Variants in STXBP4 observed in about 807,000 individuals in gnomAD.
The protein encoded by STXBP4 is syntaxin binding protein 4.
STXBP4 carries 55 observed loss-of-function variants against 76.1 expected under a neutral mutation model. That is an observed-to-expected ratio of 0.72 (90% confidence interval 0.58 to 0.91). The LOEUF is 0.91. STXBP4 is among the 40% of genes least tolerant of loss of function. STXBP4 has a pLI of 0.00. For synonymous variants in STXBP4, 201 were observed against 220.2 expected, an observed-to-expected ratio of 0.91 and a Z score of 0.77; for missense variants, 618 against 636.9, an observed-to-expected ratio of 0.97 and a Z score of 0.32.
At chr17:55,127,970 A>C (rs1216124544) in intron 16 of STXBP4, among the ~76,000 whole-genome samples, 1 of 151,760 alleles carries the variant, frequency 6.6e-6, no homozygotes, top group African/African-American at 2.4e-5. Context: ...CATTTCATCT[A>C]GTCTGTGACA....
chr17:55,211,986 T>TTTA, the STXBP4 span, among the ~76,000 whole-genome samples: 1 of 134,890 alleles, frequency 7.4e-6, no homozygotes, highest in East Asian at 2.2e-4. Flanking sequence ...AATTTTTGTA[T>TTTA]TTTTTTTTTT....
At chr17:54,984,807 G>T (rs1278477004) in intron 1 of STXBP4, among the ~76,000 whole-genome samples, 1 of 152,132 alleles carries the variant, frequency 6.6e-6, no homozygotes, top group African/African-American at 2.4e-5. Flanking sequence ...TTACCATTAT[G>T]TGTGTGCTCA....
chr17:54,989,030 C>CTT (rs2077671193), intron 3 of STXBP4, among the ~76,000 whole-genome samples: 1 of 152,168 alleles, frequency 6.6e-6, no homozygotes, highest in African/African-American at 2.4e-5. Flanking sequence ...CAACAGTTTT[C>CTT]TTAAAGATAT....
At chr17:55,157,673 A>G (rs2080295312) in intron 17 of STXBP4, among the ~76,000 whole-genome samples, 2 of 152,214 alleles carry the variant, frequency 1.3e-5, no homozygotes, top group Admixed American at 1.3e-4. Flanking sequence ...ATCTTCTTCC[A>G]TGAAAAGATA....
intron 8 of STXBP4, among the ~76,000 whole-genome samples, chr17:55,012,005 C>T (rs1038545328): frequency 2.6e-5 from 4 of 152,130 alleles, no homozygotes; most frequent in South Asian, 2.1e-4. Context: ...GCTAGCAGGC[C>T]GGTCCAGGGG....
At chr17:55,094,315 A>G (rs2079455987) in intron 16 of STXBP4, among the ~76,000 whole-genome samples, 1 of 152,106 alleles carries the variant, frequency 6.6e-6, no homozygotes, top group African/African-American at 2.4e-5. Flanking sequence ...TAAGTGTCGT[A>G]GGAAGGCACA....
rs769987070 is a variant in STXBP4, at chr17:54,999,351, C to T, written c.187C>T (p.Arg63Cys). 6 of 1,607,472 alleles carry T rather than the reference C, an allele frequency of 3.7e-6. No homozygotes were observed. Among genetic ancestry groups the T allele is most frequent in the South Asian group, 3.4e-5 (3 of 89,442 alleles). The change falls in exon 5 of 18, where the codon CGT becomes TGT. Residue 63 changes from arginine (R) to cysteine (C), a missense_variant. Physicochemically the swap from Arg to Cys is radical, Grantham distance 180 (BLOSUM62 -3). Transcript: ENST00000376352. ...ATGTTACTGTTTTTGTTAGGATGGT[C>T]GTTTGAAGCCAGGAGATCAACTTGT... ...IPGGDCYKDG[R>C]LKPGDQLVSV...
rs978820835 is a variant in STXBP4 at position 55,064,726 on chromosome 17, G to A, written c.1012-8174G>A. On this transcript the variant is annotated intron_variant, in intron 12 of 17. Coordinates refer to ENST00000376352, the MANE Select transcript of STXBP4 (RefSeq NM_178509.6). Reference sequence around the variant, plus strand: ...TCACCATGTTGGTCAGGCTGGTCTCGAACTCGTGACCTTGCGATCCACCCA... The same window carrying A: ...TCACCATGTTGGTCAGGCTGGTCTCAAACTCGTGACCTTGCGATCCACCCA... Among the ~76,000 whole-genome samples the A allele has an allele frequency of 3.3e-5, 5 of 152,190 alleles. No individual in the cohort carries two copies. The East Asian group carries it at 5.8e-4, about 18-fold the overall frequency.
downstream of STXBP4, among the ~76,000 whole-genome samples, chr17:55,176,488 A>G (rs952764888): frequency 6.6e-6 from 1 of 152,170 alleles, no homozygotes; most frequent in African/African-American, 2.4e-5. Flanking sequence ...AGTAGGAATA[A>G]CCTGAAATAA....
chr17:55,034,324 A>G (rs1450705917), intron 10 of STXBP4, 65 bp downstream of exon 10: 10 of 1,082,070 alleles, frequency 9.2e-6, no homozygotes, highest in African/African-American at 1.6e-5. Context: ...GTTATATGTC[A>G]TATGTGTAGG....
chr17:55,089,709 T>C (rs1460157208), intron 16 of STXBP4, among the ~76,000 whole-genome samples: 1 of 152,186 alleles, frequency 6.6e-6, no homozygotes, highest in Non-Finnish European at 1.5e-5. Flanking sequence ...GACATATAGA[T>C]TGACAAAATG....
intron 8 of STXBP4, among the ~76,000 whole-genome samples, chr17:55,022,487 G>A (rs1326607353): frequency 6.6e-6 from 1 of 151,900 alleles, no homozygotes; most frequent in African/African-American, 2.4e-5. Flanking sequence ...TAGTGTTTTG[G>A]CACTGTAAAA....
At chr17:55,108,174 C>A (rs2079659402) in intron 16 of STXBP4, among the ~76,000 whole-genome samples, 1 of 152,108 alleles carries the variant, frequency 6.6e-6, no homozygotes, top group Non-Finnish European at 1.5e-5. Flanking sequence ...CCACCTGTGC[C>A]AGTTCGAACT....
intron 11 of STXBP4, chr17:55,043,848 G>A: frequency 1.8e-6 from 1 of 560,908 alleles, no homozygotes; most frequent in Non-Finnish European, 3.0e-6. Context: ...TTTGATTCTT[G>A]TTTTTGTTTT....
At chr17:55,085,358 T>TTA (rs1555578631) in intron 16 of STXBP4, among the ~76,000 whole-genome samples, 2 of 150,912 alleles carry the variant, frequency 1.3e-5, no homozygotes, top group South Asian at 2.1e-4. Flanking sequence ...TAAAGTATAA[T>TTA]AAAAAAAAAG....
intron 16 of STXBP4, among the ~76,000 whole-genome samples, chr17:55,105,707 G>A (rs192296349): frequency 4.3e-4 from 65 of 151,318 alleles, no homozygotes; most frequent in Middle Eastern, 3.4e-3. Context: ...CTCGATCTCC[G>A]GACCCCGTTA....
chr17:54,972,976 C>T (rs1263313696), intron 1 of STXBP4, among the ~76,000 whole-genome samples: 1 of 152,146 alleles, frequency 6.6e-6, no homozygotes, highest in Admixed American at 6.5e-5. Flanking sequence ...CACTGGACAC[C>T]ATCCAAACAC....
chr17:55,039,018 C>G (rs985588693), intron 10 of STXBP4, among the ~76,000 whole-genome samples: 15 of 152,142 alleles, frequency 9.9e-5, no homozygotes, highest in African/African-American at 3.4e-4. Context: ...AGCCACTTCC[C>G]TAACGAAAAC....
At chr17:55,009,404 A>G (rs1409792029) in intron 8 of STXBP4, among the ~76,000 whole-genome samples, 1 of 152,208 alleles carries the variant, frequency 6.6e-6, no homozygotes, top group African/African-American at 2.4e-5. Context: ...ATTCTTCTGG[A>G]TAAGGAGAAA....
Sources: allele counts gnomAD v4.1 joint callset (sites outside exome capture counted in the v4.1 genomes callset), GRCh38; gene constraint gnomAD v4.1.1; transcripts MANE v1.5; gene names NCBI Gene and HGNC (gene_info 2026-07-23, HGNC 2026-07-21).